Variants in CUX1 observed in about 807,000 individuals in gnomAD.
CUX1 encodes the protein cut like homeobox 1, also known as protein CASP.
A neutral mutation model predicts 158.8 loss-of-function variants in CUX1; 31 were observed. That is an observed-to-expected ratio of 0.20 (90% CI 0.15 to 0.26). The LOEUF (loss-of-function observed/expected upper bound fraction) is 0.26. Ranked by LOEUF, CUX1 falls within the 10% of genes least tolerant of loss-of-function variation. The probability of loss-of-function intolerance (pLI) is 1.00; values close to 1 mark genes in which losing one functional copy is unlikely to be tolerated. For synonymous variants in CUX1, 879 were observed against 862.1 expected, an observed-to-expected ratio of 1.02 and a Z score of -0.34; for missense variants, 1,589 against 2,014.6, an observed-to-expected ratio of 0.79 and a Z score of 4.04.
upstream of CUX1, chr7:101,817,595 T>C: frequency 6.5e-7 from 1 of 1,532,734 alleles, no homozygotes; most frequent in Non-Finnish European, 8.8e-7. This position sits in a 1 kb window ranked among gnomAD's most constrained non-coding sequence, Gnocchi z 4.1. Context: ...ACGTGCCAGC[T>C]CGGCGCCCGC....
At chr7:102,282,303 G>A (rs1792136274) in intron 21 of CUX1, among the ~76,000 whole-genome samples, 1 of 152,220 alleles carries the variant, frequency 6.6e-6, no homozygotes, top group Non-Finnish European at 1.5e-5. Flanking sequence ...CCCCAGCTGT[G>A]GAGGTGGCGT....
At chr7:102,221,737 T>TAAAAAAA (rs60706791) in intron 20 of CUX1, among the ~76,000 whole-genome samples, 1 of 134,058 alleles carries the variant, frequency 7.5e-6, no homozygotes. Context: ...CAGTGCCTTG[T>TAAAAAAA]AAAAAAAAAA....
At chr7:102,213,545 G>A (rs1554523763) in intron 20 of CUX1, among the ~76,000 whole-genome samples, 1 of 152,178 alleles carries the variant, frequency 6.6e-6, no homozygotes, top group Non-Finnish European at 1.5e-5. Flanking sequence ...CTTCTGAAAA[G>A]GCCCGACAGG....
At chr7:102,011,580 C>T (rs1818032311) in intron 2 of CUX1, among the ~76,000 whole-genome samples, 2 of 151,890 alleles carry the variant, frequency 1.3e-5, no homozygotes, top group African/African-American at 2.4e-5. Context: ...CGGGTTTCAC[C>T]GTGTTGGCCA....
chr7:102,029,515 C>G (rs762570742), intron 3 of CUX1, among the ~76,000 whole-genome samples: 16 of 151,952 alleles, frequency 1.1e-4, no homozygotes, highest in Non-Finnish European at 2.1e-4. Flanking sequence ...CAACTGGGAG[C>G]GAGAGCAGGG....
chr7:102,093,240 A>G (rs1284884228), intron 4 of CUX1, among the ~76,000 whole-genome samples: 3 of 103,750 alleles, frequency 2.9e-5, no homozygotes, highest in East Asian at 2.0e-4. Flanking sequence ...AAAAAAAAAA[A>G]AAAAAGAAAG....
In CUX1 at chr7:102,256,984, C is replaced by T. The variant is rs1379079646; in HGVS notation, c.*7942C>T. On this transcript the variant is annotated 3_prime_UTR_variant, in exon 24 of 24. Coordinates refer to ENST00000292535, the MANE Select transcript of CUX1 (RefSeq NM_181552.4). ...CCTAGGAGATCATAGGCAGAGGGCC[C>T]CTTTCCCCTATAGGTGGTTCAACGT... The T allele has an allele frequency of 1.0e-6, 1 of 985,300 alleles. No individual in the cohort carries two copies. The highest frequency in any genetic ancestry group is 1.1e-4 in the East Asian group (1 of 8,824). 61.0% of individuals were successfully genotyped at this position (985,300 alleles called of 1,614,324 possible).
intron 4 of CUX1, among the ~76,000 whole-genome samples, chr7:102,076,398 T>G (rs1302966290): frequency 6.8e-6 from 1 of 147,938 alleles, no homozygotes; most frequent in Non-Finnish European, 1.5e-5. Flanking sequence ...TAAATAAAAT[T>G]AAAAAAAAAA....
At chr7:101,824,537 G>A (rs376542051) in intron 1 of CUX1, 2 of 152,322 alleles carry the variant, frequency 1.3e-5, no homozygotes, top group East Asian at 3.9e-4. Context: ...GATACCAAAG[G>A]TAAATCTTTG....
At chr7:102,001,420 T>C (rs1420938569) in intron 2 of CUX1, among the ~76,000 whole-genome samples, 1 of 152,190 alleles carries the variant, frequency 6.6e-6, no homozygotes, top group East Asian at 1.9e-4. Context: ...CTCAGCTCAC[T>C]GCATCCTCCG....
intron 3 of CUX1, among the ~76,000 whole-genome samples, chr7:102,063,383 C>CTTTTTTTTTTTT (rs11368644): frequency 1.1e-5 from 1 of 89,270 alleles, no homozygotes; most frequent in Non-Finnish European, 2.1e-5. Flanking sequence ...ATTTCCTTTT[C>CTTTTTTTTTTTT]TTTTTTTTTT....
chr7:102,209,273 A>G (rs1796283246), intron 20 of CUX1, among the ~76,000 whole-genome samples: 1 of 151,418 alleles, frequency 6.6e-6, no homozygotes, highest in African/African-American at 2.4e-5. Context: ...TCACATCATC[A>G]CTTTTTCCTC....
chr7:102,195,371 C>A, intron 13 of CUX1, 136 bp from the exon 14 acceptor site: 1 of 601,964 alleles, frequency 1.7e-6, no homozygotes, highest in Non-Finnish European at 2.8e-6. Context: ...CAGCTGTCCG[C>A]AGCCCACTTC....
chr7:102,073,185 T>TTTTTTTA (rs1826343278), intron 4 of CUX1, among the ~76,000 whole-genome samples: 2 of 130,404 alleles, frequency 1.5e-5, no homozygotes, highest in Non-Finnish European at 3.2e-5. Flanking sequence ...TTTTTTTTTT[T>TTTTTTTA]TTTTCTGAGA....
chr7:101,946,562 AAAAG>A (rs933218789), intron 2 of CUX1, among the ~76,000 whole-genome samples: 1 of 150,016 alleles, frequency 6.7e-6, no homozygotes, highest in African/African-American at 2.4e-5. Flanking sequence ...AAAAAAAAAA[AAAAG>A]AGAGAAGGGT....
At chr7:101,991,195 A>T (rs116539212) in intron 2 of CUX1, among the ~76,000 whole-genome samples, 1,695 of 152,248 alleles carry the variant, frequency 0.011, 31 homozygotes, top group African/African-American at 0.038. Context: ...TACCGTAAAA[A>T]AGAAAAAGGC....
intron 1 of CUX1, among the ~76,000 whole-genome samples, chr7:101,894,560 C>A (rs939294141): frequency 6.6e-6 from 1 of 152,198 alleles, no homozygotes; most frequent in Non-Finnish European, 1.5e-5. Flanking sequence ...GATCCACCCG[C>A]CTCGGCCTCC....
intron 2 of CUX1, among the ~76,000 whole-genome samples, chr7:102,016,142 CT>C (rs1239902483): frequency 6.6e-6 from 1 of 152,018 alleles, no homozygotes; most frequent in Non-Finnish European, 1.5e-5. Context: ...GAGATGGGGT[CT>C]GGTTATGTTG....
At chr7:102,061,792 C>T (rs763942862) in intron 3 of CUX1, among the ~76,000 whole-genome samples, 1 of 152,124 alleles carries the variant, frequency 6.6e-6, no homozygotes, top group Non-Finnish European at 1.5e-5. Context: ...CCCAGCACTT[C>T]GGAAGGCTGA....
Sources: allele counts gnomAD v4.1 joint callset (sites outside exome capture counted in the v4.1 genomes callset), GRCh38; gene constraint gnomAD v4.1.1; non-coding constraint Gnocchi (gnomAD v3.1); transcripts MANE v1.5; gene names NCBI Gene and HGNC (gene_info 2026-07-23, HGNC 2026-07-21).